The following NOTCH4 variants were observed in gnomAD, a reference collection of about 807,000 sequenced individuals.
NOTCH4 encodes neurogenic locus notch homolog protein 4.
NOTCH4 carries 138 observed loss-of-function variants against 189.0 expected under a neutral mutation model. The observed-to-expected ratio is 0.73, with a 90% CI of 0.64 to 0.84. The LOEUF (loss-of-function observed/expected upper bound fraction) is 0.84, where lower values mean the gene tolerates loss of function less well. NOTCH4 is among the 40% of genes least tolerant of loss of function. The pLI is 0.00. For missense variants in NOTCH4, 2,286 were observed against 2,605.4 expected (o/e 0.88, Z 2.67); for synonymous variants, 942 against 1,032.8 (o/e 0.91, Z 1.69).
intron 18 of NOTCH4, among the ~76,000 whole-genome samples, chr6:32,208,735 G>A (rs3132942): frequency 0.4 from 61,132 of 151,960 alleles, 12,845 homozygotes; most frequent in Middle Eastern, 0.51. Context: ...CTCTGTCTCA[G>A]AAAAGGAAAA....
intron 2 of NOTCH4, 49 bp downstream of exon 2, chr6:32,222,956 C>T (rs951096795): frequency 6.4e-7 from 1 of 1,566,846 alleles, no homozygotes; most frequent in Non-Finnish European, 8.8e-7. Flanking sequence ...CCCCCCTGCT[C>T]TCCCTCCCCC....
At chr6:32,211,285 A>AACAG (rs563377844) in intron 17 of NOTCH4, among the ~76,000 whole-genome samples, 166 of 144,748 alleles carry the variant, frequency 1.1e-3, no homozygotes, top group African/African-American at 4.2e-3. Flanking sequence ...CAAACAAACA[A>AACAG]ACAGAAACGG....
At chr6:32,213,655 G>C (rs1789173931) in intron 14 of NOTCH4, 33 bp downstream of exon 14, 1 of 1,605,188 alleles carries the variant, frequency 6.2e-7, no homozygotes, top group African/African-American at 1.3e-5. Flanking sequence ...ATTCTCCTGT[G>C]GACCCCAGCC....
At chr6:32,214,713 C>T (rs769896534) in intron 12 of NOTCH4, among the ~76,000 whole-genome samples, 9 of 151,694 alleles carry the variant, frequency 5.9e-5, no homozygotes, top group African/African-American at 9.7e-5. Flanking sequence ...CTGCAACCTC[C>T]GCCTCTTGGG....
rs146606566 is a variant in NOTCH4, at chr6:32,214,168, C to G, written c.2109G>C (p.Gly703=). 1.3e-4 allele frequency: 216 copies of G among 1,613,608 alleles called. No homozygotes were observed. In the African/African-American group the frequency reaches 2.6e-3, roughly 19 times the overall value. The change falls in exon 13 of 30, where the codon GGG becomes GGC. Residue 703 remains glycine, a synonymous_variant. Transcript: ENST00000375023. ...CAGAGGGCTGGGGGTAGCAGGTCCC[C>G]CCATGGGCACAGGGTGCAGAGATGC... ...GGCISAPCAH[G]GTCYPQPSGY... is the part of the protein sequence containing the mutation.
At position 32,210,716 on chromosome 6, in the gene NOTCH4, T is replaced by C. The variant is rs749589016; in HGVS notation, c.2865+36A>G. 1 of 1,602,876 alleles carries C rather than the reference T, an allele frequency of 6.2e-7. No individual in the cohort carries two copies. The highest frequency in any genetic ancestry group is 8.5e-7 in the Non-Finnish European group (1 of 1,172,470). ...CTGTCTCTCCCATCCAGCCCACCCT[T>C]GTCTTTCCTCCCCCTTCTCCTGCAG... On this transcript the variant is annotated intron_variant, in intron 18 of 29. Transcript: ENST00000375023. This position sits in a 1 kb window ranked among gnomAD's most constrained non-coding sequence, Gnocchi z 4.8.
At position 32,219,661 on chromosome 6, in the gene NOTCH4, A is replaced by T; in HGVS notation, c.1441T>A (p.Ser481Thr). 1 of 1,613,132 alleles carries T rather than the reference A, an allele frequency of 6.2e-7. No homozygotes were observed. Among genetic ancestry groups the T allele is most frequent in the Non-Finnish European group, 8.5e-7 (1 of 1,180,000 alleles). Residue 481 changes from serine (S) to threonine (T), a missense_variant, in exon 8 of 30, where the codon TCC becomes ACC. Physicochemically the swap from Ser to Thr is moderately conservative, Grantham distance 58. Around this residue, in one of 2 missense-constraint regions of NOTCH4, gnomAD observed 1,903 missense variants for 2,261.9 expected, o/e 0.84. Coordinates refer to ENST00000375023, the MANE Select transcript of NOTCH4 (RefSeq NM_004557.4). ...RCEADHNECL[S>T]QPCHPGSTCL... ...GTGCTTCCTGGGTGGCAGGGCTGGG[A>T]GAGGCACTCATTGTGATCAGCCTCA...
intron 17 of NOTCH4, among the ~76,000 whole-genome samples, chr6:32,211,896 G>A (rs764074941): frequency 6.6e-6 from 1 of 152,166 alleles, no homozygotes; most frequent in Non-Finnish European, 1.5e-5. Flanking sequence ...AGCAAGGCTT[G>A]AGCAAGAAAT....
chr6:32,211,547 C>T (rs568659531), intron 17 of NOTCH4, among the ~76,000 whole-genome samples: 23 of 151,890 alleles, frequency 1.5e-4, no homozygotes, highest in Middle Eastern at 3.4e-3. Flanking sequence ...GAGCCGAGAT[C>T]GTGCCACTGC....
chr6:32,219,204 A>G lies in NOTCH4; in HGVS notation c.1510+388T>C, dbSNP rs1004184793. On this transcript the variant is annotated intron_variant, in intron 8 of 29. Coordinates refer to ENST00000375023, the MANE Select transcript of NOTCH4 (RefSeq NM_004557.4). ...TTTTAAGGGATTACCTTGAATCTCT[A>G]CATGGGAGAGTTTCTATAATCAGAG... Among the ~76,000 whole-genome samples, 107 of 152,304 alleles carry G rather than the reference A, an allele frequency of 7.0e-4. 1 individual carries two copies. The highest frequency in any genetic ancestry group is 2.3e-3 in the African/African-American group (94 of 41,554).
Position 32,220,279 on chromosome 6 carries a change from G to A in NOTCH4, c.1165C>T (p.Leu389=), listed in dbSNP as rs754805082. Residue 389 remains leucine (L), a synonymous_variant, in exon 7 of 30, where the codon CTG becomes TTG. Transcript: ENST00000375023. Reference sequence around the variant, plus strand: ...AGACACATGTCTTCCAAGTGGCACAGGAGTCCTGGAGGGGTAAGAGGGGGT... The same window carrying A: ...AGACACATGTCTTCCAAGTGGCACAAGAGTCCTGGAGGGGTAAGAGGGGGT... ...CLCPPGRTGL[L]CHLEDMCLSQ... 1 of 1,612,390 alleles carries A rather than the reference G, an allele frequency of 6.2e-7. No individual in the cohort carries two copies. The highest frequency in any genetic ancestry group is 2.2e-5 in the East Asian group (1 of 44,844).
Position 32,224,000 on chromosome 6 carries a change from C to G in NOTCH4, c.-72G>C, listed in dbSNP as rs1789972000. On this transcript the variant is annotated 5_prime_UTR_variant, in exon 1 of 30. Coordinates refer to ENST00000375023, the MANE Select transcript of NOTCH4 (RefSeq NM_004557.4). ...GGGACCCTCAGAGCTCTCACTGGGG[C>G]AGGAGCCACCTCCTCTGCTCCCACT... 7.6e-6 allele frequency: 11 copies of G among 1,446,612 alleles called. No homozygotes were observed. The highest frequency in any genetic ancestry group is 1.0e-5 in the Non-Finnish European group (11 of 1,081,406). 89.6% of individuals were successfully genotyped at this position (1,446,612 alleles called of 1,614,324 possible).
At position 32,217,510 on chromosome 6, in the gene NOTCH4, GAAT is replaced by G. The variant is rs1193224765; in HGVS notation, c.1625-247_1625-245del. The stretch of plus-strand genomic sequence containing the variant: ...CAGTTTCCTGTTCTGTGTAAAAGGG[GAAT>G]AATAATGGAACCTACCTCATGGTAC... On this transcript the variant is annotated intron_variant, in intron 9 of 29. Transcript: ENST00000375023. The surrounding 1 kb of genome is among the most constrained non-coding windows in gnomAD (Gnocchi z 4.2). Among the ~76,000 whole-genome samples, 1 of 152,178 alleles carries G rather than the reference GAAT, an allele frequency of 6.6e-6. No homozygotes were observed. The highest frequency in any genetic ancestry group is 2.4e-5 in the African/African-American group (1 of 41,422).
rs1454423919 is a variant in NOTCH4, at chr6:32,198,468, G to A, written c.4709C>T (p.Pro1570Leu). ...ALPQAAMLTP[P>L]QESEMEAPDL... is the part of the protein sequence containing the mutation. ...AGGGGCTTCCATCTCAGATTCCTGG[G>A]GAGGAGTTAGCATGGCTGCCTGAGG... Residue 1570 changes from proline (P) to leucine (L), a missense_variant, in exon 26 of 30, where the codon CCC (proline) becomes CTC (leucine). Transcript: ENST00000375023. This position sits in a 1 kb window ranked among gnomAD's most constrained non-coding sequence, Gnocchi z 5.5. 6.2e-7 allele frequency: 1 copy of A among 1,612,974 alleles called. No individual in the cohort carries two copies. The highest frequency in any genetic ancestry group is 2.2e-5 in the East Asian group (1 of 44,878).
Position 32,212,804 on chromosome 6 carries a change from C to A in NOTCH4, c.2526+20G>T. On this transcript the variant is annotated intron_variant, in intron 16 of 29. Transcript: ENST00000375023. This position sits in a 1 kb window ranked among gnomAD's most constrained non-coding sequence, Gnocchi z 4.4. ...CCAGCCACTTCCCTCCTCAGCACGC[C>A]TGACTTCAATGGCCCTCACCTGGCA... 6.6e-7 allele frequency: 1 copy of A among 1,512,188 alleles called. No individual in the cohort carries two copies. The allele number at this position is 1,512,188 out of a possible 1,614,324, so 93.7% of individuals were successfully genotyped here. A position where few individuals can be genotyped will look rare whatever the true frequency, so the allele number is the denominator to read the frequency against.
rs906048279 is a variant in NOTCH4, at chr6:32,224,063, C to G, written c.-135G>C. On this transcript the variant is annotated 5_prime_UTR_variant, in exon 1 of 30. Coordinates refer to ENST00000375023, the MANE Select transcript of NOTCH4 (RefSeq NM_004557.4). ...CCTCCTCGGCCTGCTGCAAGCCTCA[C>G]GTCTGAGCTGTTTCCTGAGTCACAC... 1.1e-6 allele frequency: 1 copy of G among 885,294 alleles called. No homozygotes were observed. Among genetic ancestry groups the G allele is most frequent in the Non-Finnish European group, 1.7e-6 (1 of 604,452 alleles). The allele number at this position is 885,294 out of a possible 1,614,324, so 54.8% of individuals were successfully genotyped here.
chr6:32,194,933 G>A lies in NOTCH4; in HGVS notation c.*504C>T, dbSNP rs1007419485. ...CTAGAAGAAGCGCTTCATCCCCACA[G>A]TGGAGTTCTTTGTTGTGAGGGGAGG... On this transcript the variant is annotated 3_prime_UTR_variant, in exon 30 of 30. Transcript: ENST00000375023. This position sits in a 1 kb window ranked among gnomAD's most constrained non-coding sequence, Gnocchi z 4.5. 2.5e-5 allele frequency: 6 copies of A among 235,680 alleles called. No homozygotes were observed. Among genetic ancestry groups the A allele is most frequent in the Non-Finnish European group, 4.2e-5 (5 of 119,832 alleles). The allele number at this position is 235,680 out of a possible 1,614,324, so 14.6% of individuals were successfully genotyped here.
At chr6:32,211,033 G>T in intron 17 of NOTCH4, 97 bp from the exon 18 acceptor site, 1 of 1,148,618 alleles carries the variant, frequency 8.7e-7, no homozygotes, top group Admixed American at 2.9e-5. Flanking sequence ...GGCCGAGGCA[G>T]GTGGATCACC....
At chr6:32,209,304 A>G (rs1008162640) in intron 18 of NOTCH4, among the ~76,000 whole-genome samples, 4 of 152,158 alleles carry the variant, frequency 2.6e-5, no homozygotes, top group Non-Finnish European at 4.4e-5. Context: ...TAAAAAAGTT[A>G]GTCTCATGGA....
Sources: gnomAD v4.1 joint callset for allele counts (sites outside exome capture counted in the v4.1 genomes callset) on GRCh38, gnomAD v4.1.1 for gene constraint, gnomAD v4.1.1 regional missense constraint, Gnocchi (gnomAD v3.1) non-coding constraint, MANE v1.5 for transcripts, NCBI Gene and HGNC (gene_info 2026-07-23, HGNC 2026-07-21) for gene names.